The following CCDC13 variants were observed in gnomAD, a reference collection of about 807,000 sequenced individuals.
CCDC13 encodes the protein coiled-coil domain containing 13.
A neutral mutation model predicts 87.3 loss-of-function variants in CCDC13; 70 were observed. That is an observed-to-expected ratio of 0.80 (90% CI 0.66 to 0.98). CCDC13 has a LOEUF of 0.98. CCDC13 is among the 50% of genes least tolerant of loss of function. The pLI is 0.00. For missense variants in CCDC13, 842 were observed against 892.0 expected (o/e 0.94, Z 0.71); for synonymous variants, 317 against 360.3 (o/e 0.88, Z 1.36).
rs144134486 is a variant in CCDC13 at position 42,757,361 on chromosome 3, G to A, written c.222-147C>T. Reference sequence around the variant, plus strand: ...AGAAAGATTTCAATGTCGTTCATTAGCTGGCTTAAATAGGGAGTTATAAAA... The same window carrying A: ...AGAAAGATTTCAATGTCGTTCATTAACTGGCTTAAATAGGGAGTTATAAAA... On this transcript the variant is annotated intron_variant, in intron 2 of 15. Transcript: ENST00000310232. 6,620 of 757,498 alleles carry A rather than the reference G, an allele frequency of 8.7e-3. 56 individuals are homozygous for A. The highest frequency in any genetic ancestry group is 0.012 in the Non-Finnish European group (5,488 of 473,876). 46.9% of individuals were successfully genotyped at this position (757,498 alleles called of 1,614,324 possible).
intron 13 of CCDC13, among the ~76,000 whole-genome samples, chr3:42,721,894 G>A (rs763847347): frequency 7.2e-5 from 11 of 152,186 alleles, no homozygotes; most frequent in Non-Finnish European, 1.6e-4. Flanking sequence ...GAAGAAACAC[G>A]AGGGATGGGT....
intron 5 of CCDC13, among the ~76,000 whole-genome samples, chr3:42,751,689 C>G (rs1488298597): frequency 6.6e-6 from 1 of 152,264 alleles, no homozygotes; most frequent in Non-Finnish European, 1.5e-5. Flanking sequence ...TTTCTGGAGA[C>G]AGAGTTGGAG....
At chr3:42,716,133 C>T (rs187439160) in intron 13 of CCDC13, among the ~76,000 whole-genome samples, 20 of 151,906 alleles carry the variant, frequency 1.3e-4, no homozygotes, top group Admixed American at 4.6e-4. Flanking sequence ...TAAGGCACTG[C>T]ATAAGCATTA....
intron 1 of CCDC13, among the ~76,000 whole-genome samples, chr3:42,764,315 T>A (rs1460777860): frequency 6.6e-6 from 1 of 152,174 alleles, no homozygotes; most frequent in African/African-American, 2.4e-5. Context: ...CAGGTTAACT[T>A]TGGAGTGCCC....
chr3:42,716,183 T>G (rs757290663), intron 13 of CCDC13, among the ~76,000 whole-genome samples: 10 of 151,840 alleles, frequency 6.6e-5, no homozygotes, highest in Admixed American at 1.3e-4. Flanking sequence ...GTACTAATAT[T>G]ACTTCAAGAA....
intron 5 of CCDC13, 137 bp downstream of exon 5, chr3:42,751,799 A>G: frequency 4.3e-6 from 3 of 694,450 alleles, no homozygotes; most frequent in Non-Finnish European, 7.5e-6. Flanking sequence ...AATGGTAGAC[A>G]ATGGGCACCT....
intron 3 of CCDC13, among the ~76,000 whole-genome samples, chr3:42,755,558 G>C (rs1394138064): frequency 6.6e-6 from 1 of 152,242 alleles, no homozygotes; most frequent in Non-Finnish European, 1.5e-5. Context: ...GGTGAGCCAA[G>C]ATCGTGCCAC....
chr3:42,760,844 T>A (rs1391457698), intron 1 of CCDC13, among the ~76,000 whole-genome samples: 1 of 152,160 alleles, frequency 6.6e-6, no homozygotes, highest in African/African-American at 2.4e-5. Context: ...TTAATTTGTA[T>A]TTCTCTGTTG....
At chr3:42,743,600 T>TATATATATAC in intron 7 of CCDC13, among the ~76,000 whole-genome samples, 2 of 125,794 alleles carry the variant, frequency 1.6e-5, no homozygotes, top group African/African-American at 7.2e-5. Flanking sequence ...TATATATATA[T>TATATATATAC]ACACACACAC....
chr3:42,751,113 G>A (rs1397799028), intron 5 of CCDC13, among the ~76,000 whole-genome samples: 2 of 152,176 alleles, frequency 1.3e-5, no homozygotes, highest in Admixed American at 1.3e-4. Flanking sequence ...CTCAAGGAAG[G>A]CACAGGGCAG....
chr3:42,765,081 A>C (rs1699904095), intron 1 of CCDC13, among the ~76,000 whole-genome samples: 1 of 152,176 alleles, frequency 6.6e-6, no homozygotes, highest in Non-Finnish European at 1.5e-5. Flanking sequence ...ACTGGTACTC[A>C]TTGAATGTAC....
At chr3:42,725,459 G>C (rs1264676002) in intron 13 of CCDC13, among the ~76,000 whole-genome samples, 1 of 151,046 alleles carries the variant, frequency 6.6e-6, no homozygotes, top group East Asian at 1.9e-4. Context: ...ACTGGAGCCC[G>C]GGAAGTTGAG....
intron 13 of CCDC13, among the ~76,000 whole-genome samples, chr3:42,715,022 G>A (rs1222377183): frequency 6.6e-6 from 1 of 152,072 alleles, no homozygotes; most frequent in Non-Finnish European, 1.5e-5. Context: ...CTGGGCCCGG[G>A]GTCCCACACC....
intron 10 of CCDC13, among the ~76,000 whole-genome samples, chr3:42,734,158 C>T (rs1441782684): frequency 6.6e-6 from 1 of 152,082 alleles, no homozygotes; most frequent in African/African-American, 2.4e-5. Flanking sequence ...TGGACAGGAA[C>T]ATTAGAGGAC....
At position 42,733,322 on chromosome 3, in the gene CCDC13, C is replaced by G. The variant is rs1176763680; in HGVS notation, c.1511+148G>C. The G allele has an allele frequency of 4.0e-6, 4 of 997,538 alleles. No homozygotes were observed. In the East Asian group the frequency reaches 9.5e-5, roughly 24 times the overall value. 61.8% of individuals were successfully genotyped at this position (997,538 alleles called of 1,614,324 possible). On this transcript the variant is annotated intron_variant, in intron 11 of 15. Coordinates refer to ENST00000310232, the MANE Select transcript of CCDC13 (RefSeq NM_144719.4). The stretch of plus-strand genomic sequence containing the variant: ...ATTTCTGCAGACGCAGAGCTAATGT[C>G]ATAGGAGAGGCCCACGTATTGGAAG...
chr3:42,717,196 C>A (rs531981156), intron 13 of CCDC13, among the ~76,000 whole-genome samples: 1 of 152,032 alleles, frequency 6.6e-6, no homozygotes, highest in Non-Finnish European at 1.5e-5. Context: ...GAGGCTGAAG[C>A]GGGTGGATCA....
At position 42,739,643 on chromosome 3, in the gene CCDC13, G is replaced by A. The variant is rs115408994; in HGVS notation, c.1155C>T (p.Asp385=). 1.0e-3 allele frequency: 1,665 copies of A among 1,613,854 alleles called. 25 individuals carry two copies. In the African/African-American group the frequency reaches 0.019, roughly 18 times the overall value. ...AGTGGTGGGGCCATACCATGAGGGC[G>A]TCGATGAGCTCGTCATCATGCCGGC... The part of the protein sequence containing the change: ...EKGRHDDELI[D]ALMDQLKQLQ... The change falls in exon 9 of 16, where the codon GAC becomes GAT. Residue 385 remains aspartate, a synonymous_variant. Transcript: ENST00000310232.
intron 5 of CCDC13, among the ~76,000 whole-genome samples, chr3:42,748,841 G>GC (rs926019694): frequency 5.0e-4 from 76 of 151,956 alleles, no homozygotes; most frequent in African/African-American, 1.6e-3. Context: ...TGCAACCTCC[G>GC]CCCCCCCGGG....
chr3:42,742,156 GA>G (rs1442215699), intron 8 of CCDC13, among the ~76,000 whole-genome samples: 1 of 152,210 alleles, frequency 6.6e-6, no homozygotes, highest in Non-Finnish European at 1.5e-5. Flanking sequence ...TCTGAAGCTT[GA>G]CCAATCAAAA....
Sources: allele counts gnomAD v4.1 joint callset (sites outside exome capture counted in the v4.1 genomes callset), GRCh38; gene constraint gnomAD v4.1.1; transcripts MANE v1.5; gene names NCBI Gene and HGNC (gene_info 2026-07-23, HGNC 2026-07-21).